FGGY: variants seen among roughly 807,000 people sequenced by gnomAD.
The protein encoded by FGGY is FGGY carbohydrate kinase domain containing.
Under a neutral mutation model 71.3 loss-of-function variants are expected in FGGY, and 72 were observed. The ratio of observed to expected loss-of-function variants is 1.01; its 90% CI spans 0.84 to 1.23. The LOEUF (loss-of-function observed/expected upper bound fraction) is 1.23, where lower values mean the gene tolerates loss of function less well. FGGY is among the 50% of genes most tolerant of loss of function. The probability of loss-of-function intolerance (pLI) is 0.00; values close to 1 mark genes in which losing one functional copy is unlikely to be tolerated. For synonymous variants in FGGY, 251 were observed against 250.3 expected (o/e 1.00, Z -0.02); for missense variants, 668 against 682.3 (o/e 0.98, Z 0.23).
intron 14 of FGGY, among the ~76,000 whole-genome samples, chr1:59,695,552 C>T (rs1283078379): frequency 2.0e-5 from 3 of 152,182 alleles, no homozygotes; most frequent in Non-Finnish European, 4.4e-5. Context: ...CTGTGCTAGG[C>T]ATCTTACAAA....
chr1:59,506,122 G>A (rs2153617983), intron 6 of FGGY, among the ~76,000 whole-genome samples: 1 of 152,030 alleles, frequency 6.6e-6, no homozygotes, highest in Admixed American at 6.6e-5. Flanking sequence ...CCTTCAGACT[G>A]TGGAGCAGTG....
chr1:59,654,222 A>G (rs1572714361), intron 11 of FGGY, among the ~76,000 whole-genome samples: 1 of 152,208 alleles, frequency 6.6e-6, no homozygotes. Flanking sequence ...TTTTGGTAAG[A>G]TGTGTCCCCC....
intron 14 of FGGY, chr1:59,755,251 C>A (rs1259448452): frequency 6.6e-6 from 1 of 152,190 alleles, no homozygotes; most frequent in Admixed American, 6.5e-5. Context: ...GCCAAAACTT[C>A]CATTTTAACA....
In FGGY at chr1:59,512,248, A is replaced by C. The variant is rs969185575; in HGVS notation, c.671-63A>C. On this transcript the variant is annotated intron_variant, in intron 6 of 15. Coordinates refer to ENST00000303721, the MANE Select transcript of FGGY (RefSeq NM_018291.5). Reference sequence around the variant, plus strand: ...GAGCAAAGAGTTTCTCTTAAAAAAAACCCTCTGTTTACTTTTGTGTTTTTC... The same window carrying C: ...GAGCAAAGAGTTTCTCTTAAAAAAACCCCTCTGTTTACTTTTGTGTTTTTC... The C allele has an allele frequency of 5.2e-5, 79 of 1,514,274 alleles. No homozygotes were observed. The African/African-American group carries it at 9.7e-4, about 19-fold the overall frequency. 93.8% of individuals were successfully genotyped at this position (1,514,274 alleles called of 1,614,324 possible). A position where few individuals can be genotyped will look rare whatever the true frequency, so the allele number is the denominator to read the frequency against.
Position 59,335,850 on chromosome 1 carries a change from G to A in FGGY, c.202-4108G>A, listed in dbSNP as rs576760049. Among the ~76,000 whole-genome samples the A allele has an allele frequency of 1.2e-4, 18 of 152,106 alleles. No homozygotes were observed. In the South Asian group the frequency reaches 1.9e-3, roughly 16 times the overall value. On this transcript the variant is annotated intron_variant, in intron 2 of 15. Coordinates refer to ENST00000303721, the MANE Select transcript of FGGY (RefSeq NM_018291.5). ...CACATCTTTTGCCAATGTTATCATT[G>A]GGTTGTTTTTCCTCTTATTATTTGA...
intron 14 of FGGY, among the ~76,000 whole-genome samples, chr1:59,744,128 G>A (rs573488094): frequency 2.6e-4 from 39 of 152,324 alleles, no homozygotes; most frequent in African/African-American, 9.1e-4. Flanking sequence ...TGGTTTGTAT[G>A]CATTTTCTTT....
intron 11 of FGGY, among the ~76,000 whole-genome samples, chr1:59,654,271 C>T (rs1330837408): frequency 1.3e-5 from 2 of 152,206 alleles, no homozygotes. Flanking sequence ...GACTTGTCCT[C>T]CAATGTCCCT....
intron 1 of FGGY, 50 bp downstream of exon 1, chr1:59,297,200 C>T (rs544304310): frequency 1.2e-4 from 18 of 152,798 alleles, no homozygotes; most frequent in African/African-American, 4.1e-4. Context: ...TCGGCCTTGA[C>T]TGCATCCCCA....
chr1:59,368,924 G>T (rs114918131), intron 4 of FGGY, among the ~76,000 whole-genome samples: 2,631 of 152,206 alleles, frequency 0.017, 26 homozygotes, highest in Non-Finnish European at 0.028. Context: ...GCCCTGTCTC[G>T]GGGAGGAGCC....
intron 6 of FGGY, among the ~76,000 whole-genome samples, chr1:59,484,833 G>A (rs1197704487): frequency 1.3e-5 from 2 of 152,022 alleles, no homozygotes; most frequent in Admixed American, 6.5e-5. Context: ...ATTAATTTTA[G>A]CATTCAGTTT....
chr1:59,662,856 A>G (rs2153964287), intron 12 of FGGY, among the ~76,000 whole-genome samples: 1 of 152,328 alleles, frequency 6.6e-6, no homozygotes, highest in Non-Finnish European at 1.5e-5. Flanking sequence ...CATTTCTCAC[A>G]ATGTATTCCC....
At chr1:59,580,453 G>A (rs2096172090) in intron 8 of FGGY, among the ~76,000 whole-genome samples, 1 of 152,056 alleles carries the variant, frequency 6.6e-6, no homozygotes. Context: ...TCAGACTCCA[G>A]TTTCATACAA....
chr1:59,569,789 C>A (rs2095948592), intron 8 of FGGY, among the ~76,000 whole-genome samples: 2 of 152,118 alleles, frequency 1.3e-5, no homozygotes, highest in African/African-American at 2.4e-5. Context: ...TCAGTCAGAG[C>A]AGATGTTTTC....
chr1:59,700,299 A>G (rs1344431889), intron 14 of FGGY, among the ~76,000 whole-genome samples: 2 of 152,206 alleles, frequency 1.3e-5, no homozygotes, highest in African/African-American at 4.8e-5. Flanking sequence ...CTCTGTAAAT[A>G]ATGATGGTGA....
intron 14 of FGGY, among the ~76,000 whole-genome samples, chr1:59,739,413 T>C (rs2098130027): frequency 6.6e-6 from 1 of 152,222 alleles, no homozygotes; most frequent in South Asian, 2.1e-4. Context: ...AAAACGTTCA[T>C]TCAAATAAGT....
intron 4 of FGGY, among the ~76,000 whole-genome samples, chr1:59,370,289 C>G (rs1021425406): frequency 1.3e-5 from 2 of 152,044 alleles, no homozygotes; most frequent in Non-Finnish European, 2.9e-5. Flanking sequence ...GGAGACGATG[C>G]GATCACCTGG....
intron 7 of FGGY, among the ~76,000 whole-genome samples, chr1:59,549,085 G>A (rs2095569023): frequency 6.6e-6 from 1 of 152,182 alleles, no homozygotes; most frequent in Non-Finnish European, 1.5e-5. Context: ...CGTGTATGTA[G>A]TCTGGTGTTA....
At chr1:59,376,528 TATA>T (rs2058679475) in intron 4 of FGGY, among the ~76,000 whole-genome samples, 1 of 152,170 alleles carries the variant, frequency 6.6e-6, no homozygotes, top group Non-Finnish European at 1.5e-5. Context: ...ATAAAATAGA[TATA>T]ATAATACCCA....
intron 10 of FGGY, among the ~76,000 whole-genome samples, chr1:59,635,019 G>A (rs550623318): frequency 3.9e-5 from 6 of 152,280 alleles, no homozygotes; most frequent in East Asian, 1.9e-4. Context: ...GAGGGTGAGC[G>A]ATCCACTTGG....
Sources: allele counts gnomAD v4.1 joint callset (sites outside exome capture counted in the v4.1 genomes callset), GRCh38; gene constraint gnomAD v4.1.1; transcripts MANE v1.5; gene names NCBI Gene and HGNC (gene_info 2026-07-23, HGNC 2026-07-21).